AXDND1: variants seen among roughly 807,000 people sequenced by gnomAD.
The protein encoded by AXDND1 is axonemal dynein light chain domain containing 1, also known as axonemal dynein light chain domain-containing protein 1.
Under a neutral mutation model 137.5 loss-of-function variants are expected in AXDND1, and 110 were observed. The ratio of observed to expected loss-of-function variants is 0.80; its 90% CI spans 0.69 to 0.94. The LOEUF is 0.94. Among genes scored for constraint, AXDND1 ranks in the 40% least tolerant of loss-of-function variants. The probability of loss-of-function intolerance (pLI) is 0.00; values close to 1 mark genes in which losing one functional copy is unlikely to be tolerated. For missense variants in AXDND1, 1,191 were observed against 1,169.8 expected (o/e 1.02, Z -0.26); for synonymous variants, 414 against 399.7 (o/e 1.04, Z -0.43).
chr1:179,427,671 A>G (rs1054416734), intron 12 of AXDND1, among the ~76,000 whole-genome samples: 2 of 152,228 alleles, frequency 1.3e-5, no homozygotes, highest in African/African-American at 4.8e-5. Context: ...GCAATTATTT[A>G]TTCAGTTATT....
At chr1:179,513,130 CT>C (rs1669209730) in intron 21 of AXDND1, among the ~76,000 whole-genome samples, 1 of 152,066 alleles carries the variant, frequency 6.6e-6, no homozygotes, top group Non-Finnish European at 1.5e-5. Context: ...GGTAGGTATC[CT>C]TGTCTCATTC....
At chr1:179,369,025 A>G in intron 3 of AXDND1, 53 bp downstream of exon 3, 2 of 1,476,396 alleles carry the variant, frequency 1.4e-6, no homozygotes, top group Non-Finnish European at 1.9e-6. Context: ...TGGGCATCTG[A>G]TTATTCTTTA....
chr1:179,499,887 A>C (rs1320477474), intron 20 of AXDND1, among the ~76,000 whole-genome samples: 1 of 152,162 alleles, frequency 6.6e-6, no homozygotes, highest in Non-Finnish European at 1.5e-5. Context: ...TTGCGAATAA[A>C]TTAAAAACCC....
intron 4 of AXDND1, 90 bp downstream of exon 4, chr1:179,370,168 A>G: frequency 2.1e-6 from 2 of 969,800 alleles, no homozygotes; most frequent in Non-Finnish European, 3.2e-6. Flanking sequence ...GAATTAGAAA[A>G]ATCACTGAAT....
chr1:179,483,333 A>G, intron 18 of AXDND1, 112 bp downstream of exon 18: 1 of 591,910 alleles, frequency 1.7e-6, no homozygotes, highest in Non-Finnish European at 2.9e-6. Flanking sequence ...AGAGGGCAAA[A>G]TAGAAGCTTG....
At chr1:179,393,511 G>T (rs1650523770) in intron 9 of AXDND1, among the ~76,000 whole-genome samples, 2 of 152,030 alleles carry the variant, frequency 1.3e-5, no homozygotes, top group South Asian at 4.2e-4. Context: ...GAAGAATGAT[G>T]ATGGTATTTT....
chr1:179,540,150 C>T (rs1426802556), intron 25 of AXDND1, among the ~76,000 whole-genome samples: 1 of 152,002 alleles, frequency 6.6e-6, no homozygotes, highest in Admixed American at 6.6e-5. Flanking sequence ...GCTCCTTTAG[C>T]TCGGAGATGT....
At chr1:179,541,783 A>G (rs1261825803) in intron 25 of AXDND1, among the ~76,000 whole-genome samples, 5 of 152,312 alleles carry the variant, frequency 3.3e-5, no homozygotes, top group Admixed American at 2.6e-4. Flanking sequence ...TTAATATACA[A>G]AGATGTTCAG....
chr1:179,370,040 C>A lies in AXDND1; in HGVS notation c.336C>A (p.Tyr112Ter), dbSNP rs1485036280. 1 of 1,613,820 alleles carries A rather than the reference C, an allele frequency of 6.2e-7. No individual in the cohort carries two copies. Among genetic ancestry groups the A allele is most frequent in the Non-Finnish European group, 8.5e-7 (1 of 1,179,848 alleles). Residue 112 changes from tyrosine (Y) to a stop codon, truncating the protein, a stop_gained, in exon 4 of 26, where the codon TAC becomes TAA. Transcript: ENST00000367618. LOFTEE classifies it high-confidence loss of function. ...CTGTTCGAAGGAATAAATTCAAATA[C>A]CTGATTGACCATCCCGTCTCCCTCA... Reference protein sequence around the residue: ...HHPVRRNKFKYLIDHPVSLTG... With the variant: ...HHPVRRNKFK
intron 4 of AXDND1, among the ~76,000 whole-genome samples, chr1:179,374,031 G>C (rs1369327281): frequency 6.6e-6 from 1 of 152,164 alleles, no homozygotes; most frequent in African/African-American, 2.4e-5. Flanking sequence ...TACCATCAGA[G>C]TGAACAGGCA....
At chr1:179,426,134 C>A (rs1656537706) in intron 12 of AXDND1, among the ~76,000 whole-genome samples, 1 of 152,046 alleles carries the variant, frequency 6.6e-6, no homozygotes, top group African/African-American at 2.4e-5. Flanking sequence ...TGCGCCTGGC[C>A]AAAGCTCTTT....
At chr1:179,481,112 T>C (rs1021056363) in intron 17 of AXDND1, among the ~76,000 whole-genome samples, 4 of 152,054 alleles carry the variant, frequency 2.6e-5, no homozygotes, top group Non-Finnish European at 5.9e-5. Flanking sequence ...TAGGTATATC[T>C]CCTAATGCTG....
chr1:179,482,223 G>A (rs1408268039), intron 17 of AXDND1, among the ~76,000 whole-genome samples: 3 of 148,666 alleles, frequency 2.0e-5, no homozygotes, highest in Admixed American at 6.9e-5. Flanking sequence ...CACACTGTCA[G>A]ACCTGAGAAC....
At chr1:179,427,215 T>A (rs1286559449) in intron 12 of AXDND1, among the ~76,000 whole-genome samples, 1 of 152,034 alleles carries the variant, frequency 6.6e-6, no homozygotes, top group Non-Finnish European at 1.5e-5. Context: ...TATAGTTTAG[T>A]TTATATATGC....
intron 4 of AXDND1, among the ~76,000 whole-genome samples, chr1:179,378,060 C>T (rs936788329): frequency 6.6e-6 from 1 of 152,070 alleles, no homozygotes; most frequent in Admixed American, 6.6e-5. Context: ...ATCCCAGCTA[C>T]TTGGGAGGCT....
intron 4 of AXDND1, among the ~76,000 whole-genome samples, chr1:179,372,671 A>G (rs1668157811): frequency 6.6e-6 from 1 of 152,148 alleles, no homozygotes; most frequent in African/African-American, 2.4e-5. Context: ...AACAAAACAT[A>G]TCTCTAATTA....
At chr1:179,399,721 A>G (rs534843377) in intron 11 of AXDND1, among the ~76,000 whole-genome samples, 2 of 152,324 alleles carry the variant, frequency 1.3e-5, no homozygotes, top group South Asian at 4.1e-4. Context: ...AACTCAAACA[A>G]ATCGGTAAGA....
At chr1:179,477,572 A>G (rs1374508509) in intron 17 of AXDND1, among the ~76,000 whole-genome samples, 1 of 152,004 alleles carries the variant, frequency 6.6e-6, no homozygotes, top group African/African-American at 2.4e-5. Context: ...AACCACCCCC[A>G]TGATTCAATT....
At chr1:179,376,596 T>C (rs1281826937) in intron 4 of AXDND1, among the ~76,000 whole-genome samples, 2 of 152,204 alleles carry the variant, frequency 1.3e-5, no homozygotes, top group Non-Finnish European at 2.9e-5. Context: ...CAGTTTCTTG[T>C]TCTCACTAAT....
Sources: allele counts gnomAD v4.1 joint callset (sites outside exome capture counted in the v4.1 genomes callset), GRCh38; gene constraint gnomAD v4.1.1; transcripts MANE v1.5; gene names NCBI Gene and HGNC (gene_info 2026-07-23, HGNC 2026-07-21).